Variants in MEX3C observed in about 807,000 individuals in gnomAD.
The protein encoded by MEX3C is RNA-binding E3 ubiquitin-protein ligase MEX3C.
In MEX3C, 15 loss-of-function variants were observed where a neutral mutation model predicts 35.5. The observed-to-expected ratio is 0.42, with a 90% CI of 0.28 to 0.65. The LOEUF is 0.65. MEX3C is among the 30% of genes least tolerant of loss of function. MEX3C has a pLI of 0.20. For synonymous variants in MEX3C, 390 were observed against 352.8 expected, an observed-to-expected ratio of 1.11 and a Z score of -1.18; for missense variants, 711 against 842.8, an observed-to-expected ratio of 0.84 and a Z score of 1.94.
chr18:51,190,095 G>T (rs1912622537), intron 1 of MEX3C, among the ~76,000 whole-genome samples: 2 of 152,148 alleles, frequency 1.3e-5, no homozygotes, highest in Admixed American at 1.3e-4. Flanking sequence ...CACAACAAAT[G>T]AGGGAGAGGG....
intron 1 of MEX3C, 90 bp downstream of exon 1, chr18:51,196,477 T>G (rs939411456): frequency 6.7e-7 from 1 of 1,485,308 alleles, no homozygotes; most frequent in African/African-American, 1.4e-5. Context: ...CCTCGCCGGG[T>G]TCGCCTTTTC....
intron 1 of MEX3C, among the ~76,000 whole-genome samples, chr18:51,178,070 C>G (rs1038301101): frequency 2.0e-5 from 3 of 151,836 alleles, no homozygotes; most frequent in African/African-American, 4.8e-5. Context: ...AGATGAGTAT[C>G]TTAAAGAAAA....
intron 1 of MEX3C, among the ~76,000 whole-genome samples, chr18:51,183,130 T>C (rs1053493387): frequency 5.9e-5 from 9 of 152,238 alleles, no homozygotes; most frequent in African/African-American, 1.7e-4. Context: ...TTCTGCTCTA[T>C]GGTCACCTAA....
At chr18:51,193,349 AAAC>A (rs1473508063) in intron 1 of MEX3C, 1 of 152,222 alleles carries the variant, frequency 6.6e-6, no homozygotes, top group Non-Finnish European at 1.5e-5. Context: ...ACAAGTCTCT[AAAC>A]AACTGAATTT....
At chr18:51,185,386 G>A (rs1568233371) in intron 1 of MEX3C, among the ~76,000 whole-genome samples, 1 of 152,098 alleles carries the variant, frequency 6.6e-6, no homozygotes, top group Non-Finnish European at 1.5e-5. Flanking sequence ...ACCCAACTGG[G>A]AAAGGTTTTC....
rs1455475181 is a variant in MEX3C at position 51,197,117 on chromosome 18, C to A, written c.204G>T (p.Pro68=). 4.5e-6 allele frequency: 5 copies of A among 1,119,906 alleles called. No individual in the cohort carries two copies. Among genetic ancestry groups the A allele is most frequent in the Non-Finnish European group, 5.4e-6 (5 of 920,940 alleles). 69.4% of individuals were successfully genotyped at this position (1,119,906 alleles called of 1,614,324 possible). ...CCGCCGCTGCCGGGGCCCGAAGCGC[C>A]GGGGCGCCGGGCTCCGCCGGGCTGG... The part of the protein sequence containing the change: ...DDPSPAEPGA[P]ALRAPAAAAQ... The change falls in exon 1 of 2, where the codon CCG becomes CCT. Residue 68 remains proline, a synonymous_variant. Coordinates refer to ENST00000406189, the MANE Select transcript of MEX3C (RefSeq NM_016626.5).
chr18:51,184,463 A>C (rs1912492752), intron 1 of MEX3C, among the ~76,000 whole-genome samples: 1 of 152,198 alleles, frequency 6.6e-6, no homozygotes, highest in South Asian at 2.1e-4. Flanking sequence ...AAACTCCACA[A>C]TCACTGCCCC....
At position 51,176,833 on chromosome 18, in the gene MEX3C, C is replaced by CA. The variant is rs545827704; in HGVS notation, c.1497dup (p.Asp500Ter). ...GTTTGAGCAGATGTTGGTAAAGAGT[C>CA]AAAGGCAGGAGAGTCAACTGCTAGG... On this transcript the variant is annotated frameshift_variant, in exon 2 of 2. Transcript: ENST00000406189. LOFTEE classifies it high-confidence loss of function. 2 of 1,613,952 alleles carry CA rather than the reference C, an allele frequency of 1.2e-6. No individual in the cohort carries two copies. The highest frequency in any genetic ancestry group is 1.7e-6 in the Non-Finnish European group (2 of 1,179,886).
chr18:51,190,012 T>C (rs956200478), intron 1 of MEX3C, among the ~76,000 whole-genome samples: 2 of 152,220 alleles, frequency 1.3e-5, no homozygotes, highest in East Asian at 3.8e-4. Context: ...TTATCTGATA[T>C]ATAATTTATC....
chr18:51,185,586 G>A (rs1486902151), intron 1 of MEX3C, among the ~76,000 whole-genome samples: 1 of 152,132 alleles, frequency 6.6e-6, no homozygotes, highest in African/African-American at 2.4e-5. Context: ...GGATTACTCT[G>A]CCTATGACAT....
chr18:51,197,332 G>C lies in MEX3C; in HGVS notation c.-12C>G. The C allele has an allele frequency of 2.4e-6, 1 of 408,174 alleles. No individual in the cohort carries two copies. Among genetic ancestry groups the C allele is most frequent in the Non-Finnish European group, 3.3e-6 (1 of 303,582 alleles). 25.3% of individuals were successfully genotyped at this position (408,174 alleles called of 1,614,324 possible). A position where few individuals can be genotyped will look rare whatever the true frequency, so the allele number is the denominator to read the frequency against. ...CTGCCGCTGGGCATCGCGGCGGCGC[G>C]CTGTCAATGGCGGCGGCGGCGGCCG... On this transcript the variant is annotated 5_prime_UTR_variant, in exon 1 of 2. Transcript: ENST00000406189.
rs894480458 is a variant in MEX3C at position 51,175,479 on chromosome 18, G to C, written c.*872C>G. 1 of 152,554 alleles carries C rather than the reference G, an allele frequency of 6.6e-6. No homozygotes were observed. The highest frequency in any genetic ancestry group is 2.4e-5 in the African/African-American group (1 of 41,402). The allele number at this position is 152,554 out of a possible 1,614,324, so 9.5% of individuals were successfully genotyped here. A position where few individuals can be genotyped will look rare whatever the true frequency, so the allele number is the denominator to read the frequency against. On this transcript the variant is annotated 3_prime_UTR_variant, in exon 2 of 2. Coordinates refer to ENST00000406189, the MANE Select transcript of MEX3C (RefSeq NM_016626.5). ...TAAAAAATAAAAATATATTTATAAT[G>C]TGCAAGACAAATATGGATTGAACAT...
chr18:51,189,878 T>C (rs1432910084), intron 1 of MEX3C, among the ~76,000 whole-genome samples: 1 of 152,142 alleles, frequency 6.6e-6, no homozygotes, highest in East Asian at 1.9e-4. Context: ...ATATTATAAA[T>C]TTAAAAAATA....
Position 51,177,702 on chromosome 18 carries a change from T to C in MEX3C, c.755-126A>G, listed in dbSNP as rs1912335281. 2.7e-6 allele frequency: 3 copies of C among 1,130,026 alleles called. No homozygotes were observed. Among genetic ancestry groups the C allele is most frequent in the Non-Finnish European group, 2.4e-6 (2 of 819,754 alleles). The allele number at this position is 1,130,026 out of a possible 1,614,324, so 70.0% of individuals were successfully genotyped here. On this transcript the variant is annotated intron_variant, in intron 1 of 1. Coordinates refer to ENST00000406189, the MANE Select transcript of MEX3C (RefSeq NM_016626.5). The surrounding 1 kb of genome is among the most constrained non-coding windows in gnomAD (Gnocchi z 4.2). The stretch of plus-strand genomic sequence containing the variant: ...GGGTTAAGTTTTAGAGTTTTTCACA[T>C]AGCTAGGAAGTGGCAGAGCCAGAAG...
chr18:51,179,319 C>T (rs1357246949), intron 1 of MEX3C, among the ~76,000 whole-genome samples: 1 of 152,130 alleles, frequency 6.6e-6, no homozygotes, highest in Admixed American at 6.5e-5. Context: ...TCTAATAAAG[C>T]ACATGACCTG....
chr18:51,180,487 G>A (rs770362418), intron 1 of MEX3C, among the ~76,000 whole-genome samples: 5 of 149,794 alleles, frequency 3.3e-5, no homozygotes, highest in Non-Finnish European at 7.4e-5. Context: ...GTTTTTTTTT[G>A]TTGTTGTTTT....
At position 51,196,282 on chromosome 18, in the gene MEX3C, C is replaced by T. The variant is rs1023012246; in HGVS notation, c.754+285G>A. 6.8e-6 allele frequency: 4 copies of T among 585,944 alleles called. No homozygotes were observed. The East Asian group carries it at 1.5e-4, about 23-fold the overall frequency. The allele number at this position is 585,944 out of a possible 1,614,324, so 36.3% of individuals were successfully genotyped here. ...CCTCACTGAGGTTTCTGGTGCCACG[C>T]CAGCCTGGTGTTCCACGAATACAGC... On this transcript the variant is annotated intron_variant, in intron 1 of 1. Transcript: ENST00000406189.
In MEX3C at chr18:51,197,603, T is replaced by C. The variant is rs1912855175; in HGVS notation, c.-283A>G. Among the ~76,000 whole-genome samples, 1 of 149,982 alleles carries C rather than the reference T, an allele frequency of 6.7e-6. No homozygotes were observed. The highest frequency in any genetic ancestry group is 2.5e-5 in the African/African-American group (1 of 40,622). On this transcript the variant is annotated 5_prime_UTR_variant, in exon 1 of 2. Transcript: ENST00000406189. ...GAGGTGGCAGCGGCTCCCCTCTCAG[T>C]GTTTCTTTTGTTTCATGGCCTTAAC...
intron 1 of MEX3C, among the ~76,000 whole-genome samples, chr18:51,181,321 C>T (rs1311836174): frequency 4.6e-5 from 6 of 131,620 alleles, no homozygotes; most frequent in Middle Eastern, 4.1e-3. Flanking sequence ...CACACATACA[C>T]GCATGCACAC....
Sources: allele counts gnomAD v4.1 joint callset (sites outside exome capture counted in the v4.1 genomes callset), GRCh38; gene constraint gnomAD v4.1.1; non-coding constraint Gnocchi (gnomAD v3.1); transcripts MANE v1.5; gene names NCBI Gene and HGNC (gene_info 2026-07-23, HGNC 2026-07-21).